STRN: variants seen among roughly 807,000 people sequenced by gnomAD.
STRN encodes protein phosphatase 2 regulatory subunit B'''alpha.
Under a neutral mutation model 96.3 loss-of-function variants are expected in STRN, and 53 were observed. The observed-to-expected ratio is 0.55, with a 90% CI of 0.44 to 0.69. The LOEUF (loss-of-function observed/expected upper bound fraction) is 0.69. Among genes scored for constraint, STRN ranks in the 30% least tolerant of loss-of-function variants. The pLI, the probability that STRN is intolerant of heterozygous loss-of-function variation, is 0.00. For synonymous variants in STRN, 428 were observed against 355.9 expected (o/e 1.20, Z -2.28); for missense variants, 987 against 963.9 (o/e 1.02, Z -0.32).
At chr2:36,934,903 C>A (rs899460254) in intron 1 of STRN, among the ~76,000 whole-genome samples, 1 of 152,126 alleles carries the variant, frequency 6.6e-6, no homozygotes, top group Non-Finnish European at 1.5e-5. Flanking sequence ...GATGGTGAAA[C>A]CCCGTCTCTA....
chr2:36,883,209 C>T (rs562305430), intron 9 of STRN, among the ~76,000 whole-genome samples: 7 of 152,278 alleles, frequency 4.6e-5, no homozygotes, highest in South Asian at 4.1e-4. Context: ...AATCCCAGCA[C>T]TTTGGGAGCC....
At chr2:36,853,341 A>G (rs572816665) in intron 15 of STRN, among the ~76,000 whole-genome samples, 1 of 152,342 alleles carries the variant, frequency 6.6e-6, no homozygotes, top group South Asian at 2.1e-4. Context: ...AGAGAATAAC[A>G]GTAACAACAA....
At chr2:36,862,336 A>C (rs1232593935) in intron 12 of STRN, among the ~76,000 whole-genome samples, 1 of 152,208 alleles carries the variant, frequency 6.6e-6, no homozygotes, top group Non-Finnish European at 1.5e-5. Flanking sequence ...CTGGCTTTCC[A>C]CAGTGGCTGA....
At chr2:36,918,864 G>A (rs941817681) in intron 2 of STRN, among the ~76,000 whole-genome samples, 1 of 152,010 alleles carries the variant, frequency 6.6e-6, no homozygotes, top group Non-Finnish European at 1.5e-5. Context: ...TTTCTTGTTT[G>A]CTATTCTTTT....
At chr2:36,954,237 G>T (rs780308325) in intron 1 of STRN, among the ~76,000 whole-genome samples, 1 of 152,040 alleles carries the variant, frequency 6.6e-6, no homozygotes, top group Non-Finnish European at 1.5e-5. Flanking sequence ...TTGGCCAGGC[G>T]TGGTGGCTCA....
At chr2:36,850,144 G>T (rs764006387) in intron 16 of STRN, among the ~76,000 whole-genome samples, 21 of 152,176 alleles carry the variant, frequency 1.4e-4, no homozygotes, top group Non-Finnish European at 1.9e-4. Context: ...CAAATTATGA[G>T]TTGTGGAAAC....
intron 1 of STRN, among the ~76,000 whole-genome samples, chr2:36,942,516 T>C (rs537424333): frequency 5.9e-5 from 9 of 152,310 alleles, no homozygotes; most frequent in Non-Finnish European, 2.9e-5. Context: ...TTGATGCATA[T>C]AGAATTTTAA....
chr2:36,859,058 T>A (rs766123912), intron 13 of STRN, among the ~76,000 whole-genome samples: 33 of 152,154 alleles, frequency 2.2e-4, no homozygotes, highest in Admixed American at 3.9e-4. Flanking sequence ...GTATAAGCAA[T>A]TCAGTATTAC....
chr2:36,965,399 T>C (rs1230637733), intron 1 of STRN, among the ~76,000 whole-genome samples: 1 of 152,238 alleles, frequency 6.6e-6, no homozygotes, highest in African/African-American at 2.4e-5. Flanking sequence ...CCCACAGTTA[T>C]CTCCTCCCTG....
In STRN at chr2:36,939,045, G is replaced by C. The variant is rs1670776016; in HGVS notation, c.235-13837C>G. On this transcript the variant is annotated intron_variant, in intron 1 of 17. Transcript: ENST00000263918. ...TCTGTCGCCAGGCTGGAGTGCAGTG[G>C]TGCGAGCTCGGCTCACTGCAACCTC... Among the ~76,000 whole-genome samples, 4 of 151,806 alleles carry C rather than the reference G, an allele frequency of 2.6e-5. No individual in the cohort carries two copies. In the South Asian group the frequency reaches 8.3e-4, roughly 32 times the overall value.
chr2:36,855,475 A>G (rs1353604088), intron 14 of STRN, 123 bp from the exon 15 acceptor site: 5 of 954,402 alleles, frequency 5.2e-6, no homozygotes, highest in Non-Finnish European at 6.1e-6. Flanking sequence ...TACCATTAGA[A>G]TAAGAATTAG....
chr2:36,856,118 C>A (rs1477006604), intron 14 of STRN, among the ~76,000 whole-genome samples: 4 of 152,176 alleles, frequency 2.6e-5, no homozygotes, highest in Non-Finnish European at 5.9e-5. Context: ...TGATGAAATA[C>A]TACTACACAT....
intron 1 of STRN, among the ~76,000 whole-genome samples, chr2:36,941,459 T>C (rs1479189260): frequency 6.6e-6 from 1 of 152,238 alleles, no homozygotes; most frequent in Non-Finnish European, 1.5e-5. Context: ...ATTTTTATCA[T>C]CTGAATTATT....
At chr2:36,916,043 T>G (rs758112236) in intron 3 of STRN, 35 bp downstream of exon 3, 1 of 1,566,994 alleles carries the variant, frequency 6.4e-7, no homozygotes, top group Non-Finnish European at 8.8e-7. Flanking sequence ...ATTAACTTCT[T>G]TTTAACACTT....
chr2:36,874,578 C>G (rs1434698200), intron 10 of STRN, among the ~76,000 whole-genome samples: 1 of 151,566 alleles, frequency 6.6e-6, no homozygotes, highest in African/African-American at 2.4e-5. Flanking sequence ...AAAAGGAAAA[C>G]AAACCTTGGC....
In STRN at chr2:36,886,690, TTACAGA is replaced by T; in HGVS notation, c.1042+20_1042+25del. 6.4e-7 allele frequency: 1 copy of T among 1,564,874 alleles called. No homozygotes were observed. On this transcript the variant is annotated intron_variant, in intron 8 of 17. Transcript: ENST00000263918. ...GATGTAAAGAGGCAAGATTTATGAT[TTACAGA>T]TACAATGTTTTCCACTTACTCTTCA...
chr2:36,849,027 G>GT lies in STRN; in HGVS notation c.*428dup, dbSNP rs1161270354. On this transcript the variant is annotated 3_prime_UTR_variant, in exon 18 of 18. Transcript: ENST00000263918. ...GATTACTATTTTGACTACTTAATGT[G>GT]TTTTAACAAGATTTCTCAGGGGAGA... The GT allele has an allele frequency of 1.2e-5, 2 of 164,092 alleles. No homozygotes were observed. The highest frequency in any genetic ancestry group is 2.7e-5 in the Non-Finnish European group (2 of 74,242). The allele number at this position is 164,092 out of a possible 1,614,324, so 10.2% of individuals were successfully genotyped here.
rs1255276491 is a variant in STRN, at chr2:36,928,651, T to TA, written c.235-3444dup. ...TGGGCGACACAGTGAGACTCCATCT[T>TA]AAAAAAAAAAAGGCAGGGCGCAGTG... On this transcript the variant is annotated intron_variant, in intron 1 of 17. Transcript: ENST00000263918. Among the ~76,000 whole-genome samples the TA allele has an allele frequency of 8.3e-3, 575 of 69,014 alleles. 6 individuals are homozygous for TA. Among genetic ancestry groups the TA allele is most frequent in the African/African-American group, 0.025 (454 of 18,480 alleles). 45.3% of individuals were successfully genotyped at this position (69,014 alleles called of 152,430 possible). A position where few individuals can be genotyped will look rare whatever the true frequency, so the allele number is the denominator to read the frequency against.
intron 1 of STRN, among the ~76,000 whole-genome samples, chr2:36,938,509 C>A (rs1670763509): frequency 6.6e-6 from 1 of 151,964 alleles, no homozygotes; most frequent in African/African-American, 2.4e-5. Context: ...TAGTATAGCT[C>A]AAACCTGGTT....
Sources: allele counts gnomAD v4.1 joint callset (sites outside exome capture counted in the v4.1 genomes callset), GRCh38; gene constraint gnomAD v4.1.1; transcripts MANE v1.5; gene names NCBI Gene and HGNC (gene_info 2026-07-23, HGNC 2026-07-21).